Variants in VIT observed in about 807,000 individuals in gnomAD.
The protein encoded by VIT is vitrin.
Under a neutral mutation model 78.0 loss-of-function variants are expected in VIT, and 99 were observed. The ratio of observed to expected loss-of-function variants is 1.27; its 90% CI spans 1.08 to 1.50. The LOEUF is 1.50. Ranked by LOEUF, VIT falls within the 40% of genes most tolerant of loss-of-function variation. VIT has a pLI of 0.00. For missense variants in VIT, 1,126 were observed against 875.3 expected, an observed-to-expected ratio of 1.29 and a Z score of -3.61; for synonymous variants, 374 against 334.3, an observed-to-expected ratio of 1.12 and a Z score of -1.29.
intron 8 of VIT, chr2:36,774,597 C>G (rs1260869008): frequency 1.0e-6 from 1 of 985,316 alleles, no homozygotes; most frequent in Non-Finnish European, 1.2e-6. Flanking sequence ...TTCTGTTTTG[C>G]TTGCTACTGG....
chr2:36,759,564 A>C, intron 6 of VIT: 1 of 1,052,790 alleles, frequency 9.5e-7, no homozygotes, highest in Non-Finnish European at 1.1e-6. Flanking sequence ...CCTCAGGCCA[A>C]GAAAATACCT....
intron 15 of VIT, among the ~76,000 whole-genome samples, chr2:36,809,863 C>T (rs566916188): frequency 4.6e-5 from 7 of 152,170 alleles, no homozygotes; most frequent in Middle Eastern, 3.4e-3. Context: ...TGGTGGTGCA[C>T]GCCTATTATC....
intron 4 of VIT, among the ~76,000 whole-genome samples, chr2:36,748,343 CCTT>C (rs961316087): frequency 5.3e-5 from 8 of 152,212 alleles, no homozygotes; most frequent in Non-Finnish European, 7.3e-5. Flanking sequence ...TACTCTCTCT[CCTT>C]CTCTCTCAGG....
intron 15 of VIT, among the ~76,000 whole-genome samples, chr2:36,811,191 A>G (rs1055061822): frequency 9.9e-5 from 15 of 152,184 alleles, no homozygotes; most frequent in Non-Finnish European, 2.2e-4. Flanking sequence ...ATATCAGCAG[A>G]TTGAAGACGG....
intron 2 of VIT, among the ~76,000 whole-genome samples, chr2:36,722,081 T>A (rs1219736431): frequency 6.6e-6 from 1 of 152,250 alleles, no homozygotes; most frequent in African/African-American, 2.4e-5. Context: ...CATCCAAGGA[T>A]CCCTCAAAAG....
intron 6 of VIT, among the ~76,000 whole-genome samples, chr2:36,762,247 TA>T (rs1188751001): frequency 6.6e-6 from 1 of 152,214 alleles, no homozygotes; most frequent in Non-Finnish European, 1.5e-5. Flanking sequence ...GTGAAATTTA[TA>T]AACTAGCAAG....
intron 1 of VIT, among the ~76,000 whole-genome samples, chr2:36,703,172 C>A (rs1353413474): frequency 6.6e-6 from 1 of 152,234 alleles, no homozygotes; most frequent in East Asian, 1.9e-4. Context: ...TTCAAAGGAG[C>A]TGATTGAGAA....
chr2:36,756,140 T>C (rs1668751478), intron 5 of VIT, among the ~76,000 whole-genome samples: 2 of 152,044 alleles, frequency 1.3e-5, no homozygotes, highest in South Asian at 4.2e-4. Flanking sequence ...GTATTTTTAG[T>C]GCAGACGGGG....
chr2:36,700,032 A>G lies in VIT; in HGVS notation c.-19+3059A>G, dbSNP rs1664953906. ...AAATGTTAGTTAATTTTTTTTAATT[A>G]TATGTGACTATAATAAAGAAATCAG... On this transcript the variant is annotated intron_variant, in intron 1 of 15. Transcript: ENST00000379242. 3.3e-5 allele frequency among the ~76,000 whole-genome samples: 5 copies of G among 152,100 alleles called. No individual in the cohort carries two copies. In the South Asian group the frequency reaches 1.0e-3, roughly 31 times the overall value.
chr2:36,730,066 C>T (rs768040546), intron 3 of VIT, among the ~76,000 whole-genome samples: 31 of 152,218 alleles, frequency 2.0e-4, no homozygotes, highest in East Asian at 3.9e-4. Flanking sequence ...GAGGCTGAGG[C>T]GGGCGGATCA....
At chr2:36,809,959 C>A (rs1208261943) in intron 15 of VIT, among the ~76,000 whole-genome samples, 1 of 142,864 alleles carries the variant, frequency 7.0e-6, no homozygotes, top group Non-Finnish European at 1.5e-5. Flanking sequence ...CCACCACACT[C>A]CAGCCTGGGC....
chr2:36,702,812 C>T (rs534876403), intron 1 of VIT, among the ~76,000 whole-genome samples: 4 of 152,166 alleles, frequency 2.6e-5, no homozygotes, highest in Non-Finnish European at 4.4e-5. Flanking sequence ...GATACCCTCC[C>T]CTACTGCGTT....
At position 36,781,412 on chromosome 2, in the gene VIT, A is replaced by G. The variant is rs938393003; in HGVS notation, c.803-315A>G. Among the ~76,000 whole-genome samples the G allele has an allele frequency of 2.0e-5, 3 of 152,184 alleles. No homozygotes were observed. The East Asian group carries it at 5.8e-4, about 29-fold the overall frequency. On this transcript the variant is annotated intron_variant, in intron 9 of 15. Transcript: ENST00000379242. ...CACTCACAGGCCAGGGATGTTGCAA[A>G]AACAGATTGGGAGGTGGTTTGGAGT...
intron 1 of VIT, among the ~76,000 whole-genome samples, chr2:36,714,474 C>T (rs1666002295): frequency 1.3e-5 from 2 of 152,024 alleles, no homozygotes; most frequent in Non-Finnish European, 2.9e-5. Flanking sequence ...ACCAGTACAC[C>T]ACTGAACACA....
At chr2:36,781,675 T>C (rs1163655516) in intron 9 of VIT, 52 bp from the exon 10 acceptor site, 2 of 1,597,838 alleles carry the variant, frequency 1.3e-6, no homozygotes, top group Non-Finnish European at 1.7e-6. Context: ...CAAGAGTTTC[T>C]GCTGGTTTGG....
At chr2:36,809,240 G>A (rs868833062) in intron 15 of VIT, among the ~76,000 whole-genome samples, 1 of 152,084 alleles carries the variant, frequency 6.6e-6, no homozygotes, top group African/African-American at 2.4e-5. Context: ...ATGACTGGGC[G>A]CATTAACCCT....
At chr2:36,711,961 A>T (rs1397263291) in intron 1 of VIT, among the ~76,000 whole-genome samples, 2 of 152,202 alleles carry the variant, frequency 1.3e-5, no homozygotes, top group Non-Finnish European at 2.9e-5. Context: ...GTGAATCAGT[A>T]ACACATTCTT....
chr2:36,758,836 T>G (rs1474103160), intron 5 of VIT, 133 bp from the exon 6 acceptor site: 1 of 791,524 alleles, frequency 1.3e-6, no homozygotes, highest in Non-Finnish European at 2.0e-6. Context: ...TAATCAACTA[T>G]TCAGCATGAG....
intron 1 of VIT, among the ~76,000 whole-genome samples, chr2:36,707,944 A>ACT (rs771009373): frequency 3.2e-4 from 49 of 151,276 alleles, no homozygotes; most frequent in Admixed American, 1.4e-3. Flanking sequence ...CCCCTCTGGC[A>ACT]CTCTCTCTCT....
Sources: gnomAD v4.1 joint callset for allele counts (sites outside exome capture counted in the v4.1 genomes callset) on GRCh38, gnomAD v4.1.1 for gene constraint, MANE v1.5 for transcripts, NCBI Gene and HGNC (gene_info 2026-07-23, HGNC 2026-07-21) for gene names.